Variants in PRKN observed in about 807,000 individuals in gnomAD.
PRKN encodes parkin RBR E3 ubiquitin protein ligase, also known as E3 ubiquitin-protein ligase parkin.
Under a neutral mutation model 59.5 loss-of-function variants are expected in PRKN, and 56 were observed. The observed-to-expected ratio is 0.94, with a 90% CI of 0.76 to 1.18. PRKN has a LOEUF of 1.18. Among genes scored for constraint, PRKN ranks in the 50% most tolerant of loss-of-function variants. The probability of loss-of-function intolerance (pLI) is 0.00; values close to 1 mark genes in which losing one functional copy is unlikely to be tolerated. For synonymous variants in PRKN, 250 were observed against 222.1 expected, an observed-to-expected ratio of 1.13 and a Z score of -1.12; for missense variants, 657 against 596.4, an observed-to-expected ratio of 1.10 and a Z score of -1.06.
At chr6:162,126,416 T>C (rs1047056954) in intron 4 of PRKN, among the ~76,000 whole-genome samples, 5 of 152,220 alleles carry the variant, frequency 3.3e-5, no homozygotes, top group Non-Finnish European at 7.3e-5. Flanking sequence ...ACTGGCTTAA[T>C]TGGTTTCGAT....
chr6:162,603,408 C>T (rs1399053060), intron 1 of PRKN, among the ~76,000 whole-genome samples: 4 of 152,176 alleles, frequency 2.6e-5, no homozygotes, highest in South Asian at 2.1e-4. Context: ...ATGCAGCCTG[C>T]TATTGGTTTC....
chr6:162,250,727 T>G (rs1194317330), intron 3 of PRKN, among the ~76,000 whole-genome samples: 2 of 152,228 alleles, frequency 1.3e-5, no homozygotes, highest in African/African-American at 4.8e-5. Context: ...AATTATTGTC[T>G]GAAACTTCTC....
intron 2 of PRKN, among the ~76,000 whole-genome samples, chr6:162,388,152 G>T (rs967238899): frequency 2.6e-5 from 4 of 152,128 alleles, no homozygotes; most frequent in African/African-American, 9.7e-5. Context: ...CTGGCCCTGG[G>T]GACTGCAGTG....
chr6:161,894,807 C>T (rs1777551991), intron 6 of PRKN, among the ~76,000 whole-genome samples: 1 of 152,164 alleles, frequency 6.6e-6, no homozygotes, highest in Non-Finnish European at 1.5e-5. Flanking sequence ...TACTTACAAA[C>T]ATTAAAATGA....
At position 161,497,579 on chromosome 6, in the gene PRKN, A is replaced by T. The variant is rs11970508; in HGVS notation, c.1083+51275T>A. On this transcript the variant is annotated intron_variant, in intron 9 of 11. Transcript: ENST00000366898. The surrounding 1 kb of genome is among the most constrained non-coding windows in gnomAD (Gnocchi z 4.6). ...GTCTCTCTCTCTCTCTCTCTCTCTC[A>T]CACACACACACACACACACCATATC... 7.5e-3 allele frequency among the ~76,000 whole-genome samples: 953 copies of T among 127,312 alleles called. 3 individuals are homozygous for T. The highest frequency in any genetic ancestry group is 0.011 in the Non-Finnish European group (625 of 59,204). 83.5% of individuals were successfully genotyped at this position (127,312 alleles called of 152,430 possible).
At chr6:161,570,143 AAAAATAT>A (rs1238057416) in intron 7 of PRKN, among the ~76,000 whole-genome samples, 2 of 134,456 alleles carry the variant, frequency 1.5e-5, no homozygotes, top group African/African-American at 3.0e-5. Flanking sequence ...AAAAAAAAAA[AAAAATAT>A]ATATATATAT....
intron 4 of PRKN, among the ~76,000 whole-genome samples, chr6:162,159,203 T>C (rs1782654733): frequency 6.6e-6 from 1 of 150,856 alleles, no homozygotes; most frequent in Non-Finnish European, 1.5e-5. Context: ...TACTGTTTTC[T>C]ATTGACTAAT....
chr6:162,212,886 C>T (rs1430800348), intron 3 of PRKN, among the ~76,000 whole-genome samples: 2 of 152,108 alleles, frequency 1.3e-5, no homozygotes, highest in Non-Finnish European at 2.9e-5. Flanking sequence ...TATACCTAAA[C>T]ATATCTAAAC....
intron 7 of PRKN, among the ~76,000 whole-genome samples, chr6:161,760,580 TG>T (rs1260910701): frequency 2.6e-5 from 4 of 152,004 alleles, no homozygotes; most frequent in Non-Finnish European, 4.4e-5. Context: ...GCAGGGACTC[TG>T]GCCTAGCGAG....
intron 6 of PRKN, among the ~76,000 whole-genome samples, chr6:161,881,253 C>G (rs1794924091): frequency 6.6e-6 from 1 of 152,206 alleles, no homozygotes; most frequent in Admixed American, 6.5e-5. Context: ...CTGCTGAAAA[C>G]AGATGTGGAA....
intron 6 of PRKN, among the ~76,000 whole-genome samples, chr6:161,923,774 T>A (rs1778866850): frequency 6.6e-6 from 1 of 152,180 alleles, no homozygotes; most frequent in Non-Finnish European, 1.5e-5. Context: ...GTTAGGTAAC[T>A]GCAGTACAAT....
intron 9 of PRKN, among the ~76,000 whole-genome samples, chr6:161,510,056 C>T (rs996909517): frequency 1.3e-5 from 2 of 152,140 alleles, no homozygotes; most frequent in Admixed American, 6.5e-5. Context: ...TAATCCTCTA[C>T]CGTCCTTATG....
chr6:162,676,935 C>T (rs1779570514), intron 1 of PRKN, among the ~76,000 whole-genome samples: 1 of 151,814 alleles, frequency 6.6e-6, no homozygotes, highest in Admixed American at 6.6e-5. Context: ...GTGGTGGGTG[C>T]CTGTAATCCC....
At chr6:162,690,719 T>C (rs1026020048) in intron 1 of PRKN, among the ~76,000 whole-genome samples, 1 of 152,162 alleles carries the variant, frequency 6.6e-6, no homozygotes. Flanking sequence ...TTTCCTCTCG[T>C]ACTAGAAATG....
intron 4 of PRKN, among the ~76,000 whole-genome samples, chr6:162,129,187 A>T (rs1781244042): frequency 6.6e-6 from 1 of 152,242 alleles, no homozygotes; most frequent in South Asian, 2.1e-4. Context: ...GGGTAGCTTT[A>T]TATTAAGTAC....
intron 7 of PRKN, among the ~76,000 whole-genome samples, chr6:161,740,030 C>T (rs1476857241): frequency 6.6e-6 from 1 of 152,212 alleles, no homozygotes; most frequent in African/African-American, 2.4e-5. Flanking sequence ...GCTGGGATTA[C>T]AGGCCTGAGC....
chr6:161,657,878 A>C (rs1784405565), intron 7 of PRKN, among the ~76,000 whole-genome samples: 1 of 151,964 alleles, frequency 6.6e-6, no homozygotes, highest in African/African-American at 2.4e-5. Context: ...ATACAAAAAA[A>C]ATTAGCTGGC....
In PRKN at chr6:161,440,750, C is replaced by T. The variant is rs1173089055; in HGVS notation, c.1084-53873G>A. On this transcript the variant is annotated intron_variant, in intron 9 of 11. Coordinates refer to ENST00000366898, the MANE Select transcript of PRKN (RefSeq NM_004562.3). The surrounding 1 kb of genome is among the most constrained non-coding windows in gnomAD (Gnocchi z 4.1). ...ATATTTCCAATGCCACCTGAAGGTC[C>T]TGAGAGCTCCCTGACATCATTCAGG... Among the ~76,000 whole-genome samples the T allele has an allele frequency of 6.6e-6, 1 of 152,134 alleles. No individual in the cohort carries two copies. The highest frequency in any genetic ancestry group is 2.4e-5 in the African/African-American group (1 of 41,422).
chr6:161,500,787 C>T (rs1777930244), intron 9 of PRKN, among the ~76,000 whole-genome samples: 1 of 151,172 alleles, frequency 6.6e-6, no homozygotes, highest in East Asian at 1.9e-4. Context: ...TAGTTGTATA[C>T]ATAAGTTTTC....
Sources: gnomAD v4.1 joint callset for allele counts (sites outside exome capture counted in the v4.1 genomes callset) on GRCh38, gnomAD v4.1.1 for gene constraint, Gnocchi (gnomAD v3.1) non-coding constraint, MANE v1.5 for transcripts, NCBI Gene and HGNC (gene_info 2026-07-23, HGNC 2026-07-21) for gene names.